RPRD2: variants seen among roughly 807,000 people sequenced by gnomAD.
RPRD2 encodes regulation of nuclear pre-mRNA domain containing 2.
In RPRD2, 12 loss-of-function variants were observed where a neutral mutation model predicts 104.4. The observed-to-expected ratio is 0.11, with a 90% CI of 0.07 to 0.19. The LOEUF is 0.19. RPRD2 is among the 10% of genes least tolerant of loss of function. The pLI is 1.00. For missense variants in RPRD2, 1,543 were observed against 1,790.1 expected, an observed-to-expected ratio of 0.86 and a Z score of 2.49; for synonymous variants, 714 against 684.9, an observed-to-expected ratio of 1.04 and a Z score of -0.66.
At chr1:150,407,597 G>A (rs370747396) in intron 1 of RPRD2, among the ~76,000 whole-genome samples, 14 of 152,168 alleles carry the variant, frequency 9.2e-5, no homozygotes, top group African/African-American at 3.4e-4. Context: ...AGTGGTGGAG[G>A]AGTATGGCAC....
chr1:150,427,333 C>T (rs1387715148), intron 2 of RPRD2, among the ~76,000 whole-genome samples: 2 of 151,918 alleles, frequency 1.3e-5, no homozygotes, highest in Admixed American at 6.6e-5. Context: ...AGTAGCTGAG[C>T]GTGGTAGCGC....
chr1:150,443,771 C>T (rs1411848601), intron 5 of RPRD2, among the ~76,000 whole-genome samples: 2 of 151,616 alleles, frequency 1.3e-5, no homozygotes, highest in African/African-American at 4.8e-5. Flanking sequence ...TTTGGGAGGC[C>T]GAGGTGGGCG....
intron 1 of RPRD2, chr1:150,409,074 T>A (rs1553887193): frequency 6.6e-6 from 1 of 152,204 alleles, no homozygotes; most frequent in Non-Finnish European, 1.5e-5. Flanking sequence ...AAGTTAAAAA[T>A]TATCTAACCC....
At chr1:150,439,558 C>A (rs1666268099) in intron 2 of RPRD2, among the ~76,000 whole-genome samples, 1 of 150,394 alleles carries the variant, frequency 6.6e-6, no homozygotes, top group East Asian at 1.9e-4. Context: ...GAAAAAAATT[C>A]TTTGTGAACA....
At chr1:150,456,647 G>A (rs1480217768) in intron 7 of RPRD2, among the ~76,000 whole-genome samples, 6 of 151,050 alleles carry the variant, frequency 4.0e-5, no homozygotes, top group East Asian at 3.9e-4. Flanking sequence ...AAAAGCAGCC[G>A]AGCACGGTGA....
chr1:150,469,615 T>A (rs1266474658), intron 10 of RPRD2, among the ~76,000 whole-genome samples: 2 of 152,194 alleles, frequency 1.3e-5, no homozygotes, highest in African/African-American at 4.8e-5. Context: ...GGTAAATTTT[T>A]AAAAATATGA....
chr1:150,403,442 G>A (rs914213191), intron 1 of RPRD2, among the ~76,000 whole-genome samples: 11 of 151,978 alleles, frequency 7.2e-5, no homozygotes, highest in Non-Finnish European at 1.5e-4. Flanking sequence ...CCAGCCCCTG[G>A]CAACCACCAT....
At chr1:150,401,923 G>A (rs1437025659) in intron 1 of RPRD2, among the ~76,000 whole-genome samples, 1 of 148,574 alleles carries the variant, frequency 6.7e-6, no homozygotes, top group Non-Finnish European at 1.5e-5. Context: ...GATTACAGGC[G>A]TGAGCCACCG....
intron 1 of RPRD2, among the ~76,000 whole-genome samples, chr1:150,393,107 C>T (rs1231913246): frequency 6.6e-6 from 1 of 151,606 alleles, no homozygotes; most frequent in Non-Finnish European, 1.5e-5. Context: ...AGTTACTAAC[C>T]AAAAACAATA....
Position 150,473,374 on chromosome 1 carries a change from C to T in RPRD2, c.*40C>T. On this transcript the variant is annotated 3_prime_UTR_variant, in exon 11 of 11. Transcript: ENST00000369068. ...AAGGCATTTTGAACAGTCTAGAGAA[C>T]ATTGGAAGTAGGAGTTTGGTTTATT... 5 of 1,501,252 alleles carry T rather than the reference C, an allele frequency of 3.3e-6. No homozygotes were observed. Among genetic ancestry groups the T allele is most frequent in the Non-Finnish European group, 4.5e-6 (5 of 1,122,772 alleles). The allele number at this position is 1,501,252 out of a possible 1,614,324, so 93.0% of individuals were successfully genotyped here. A position where few individuals can be genotyped will look rare whatever the true frequency, so the allele number is the denominator to read the frequency against.
rs1307613049 is a variant in RPRD2, at chr1:150,473,655, C to A, written c.*321C>A. The A allele has an allele frequency of 4.8e-6, 1 of 207,138 alleles. No homozygotes were observed. The highest frequency in any genetic ancestry group is 2.3e-5 in the African/African-American group (1 of 42,778). The allele number at this position is 207,138 out of a possible 1,614,324, so 12.8% of individuals were successfully genotyped here. A position where few individuals can be genotyped will look rare whatever the true frequency, so the allele number is the denominator to read the frequency against. On this transcript the variant is annotated 3_prime_UTR_variant, in exon 11 of 11. Transcript: ENST00000369068. ...GGGGAGGAAAACAATCTTTATTTTA[C>A]CCCATCTATTGAAGAGTATTATTAC... is the stretch of plus-strand genomic sequence containing the variant.
At chr1:150,403,917 AGCCACT>A (rs1663266850) in intron 1 of RPRD2, among the ~76,000 whole-genome samples, 1 of 152,118 alleles carries the variant, frequency 6.6e-6, no homozygotes, top group African/African-American at 2.4e-5. Flanking sequence ...TACAGGCATG[AGCCACT>A]GCTGCACCTG....
Position 150,473,011 on chromosome 1 carries a change from C to T in RPRD2, c.4063C>T (p.Arg1355Trp), listed in dbSNP as rs768029784. ...CAGGGACCACGGGGGCCCCACCCAA[C>T]GGGACCTCAACGGCCCTGGCCTTAG... ...GPRDHGGPTQ[R>W]DLNGPGLSRV... Residue 1355 changes from arginine (R) to tryptophan (W), a missense_variant, in exon 11 of 11, where the codon CGG (arginine) becomes TGG (tryptophan). By Grantham distance (101) the Arg-to-Trp change is moderately radical. Around this residue, in one of 4 missense-constraint regions of RPRD2, gnomAD observed 880 missense variants for 885.6 expected, o/e 0.99. Coordinates refer to ENST00000369068, the MANE Select transcript of RPRD2 (RefSeq NM_015203.5). 16 of 1,613,896 alleles carry T rather than the reference C, an allele frequency of 9.9e-6. No individual in the cohort carries two copies. Among genetic ancestry groups the T allele is most frequent in the South Asian group, 2.2e-5 (2 of 91,094 alleles).
chr1:150,412,167 T>C (rs781993489), intron 1 of RPRD2, among the ~76,000 whole-genome samples: 3 of 152,182 alleles, frequency 2.0e-5, no homozygotes, highest in Non-Finnish European at 4.4e-5. Flanking sequence ...TCCAGTCTTC[T>C]GGATGCTTAT....
chr1:150,369,944 C>G (rs1553878019), intron 1 of RPRD2, among the ~76,000 whole-genome samples: 1 of 151,872 alleles, frequency 6.6e-6, no homozygotes, highest in Non-Finnish European at 1.5e-5. Context: ...CCACGCCCAA[C>G]TAATTTTTGT....
rs1273838971 is a variant in RPRD2, at chr1:150,412,816, C to G, written c.206-4780C>G. Among the ~76,000 whole-genome samples the G allele has an allele frequency of 4.6e-5, 7 of 152,026 alleles. No homozygotes were observed. The East Asian group carries it at 1.3e-3, about 29-fold the overall frequency. ...ATAGAAACGGGGATTGATTTATGTC[C>G]CATTCCTGAATGCATGTAAAATTTA... On this transcript the variant is annotated intron_variant, in intron 1 of 10. Transcript: ENST00000369068.
At chr1:150,441,121 T>A in intron 3 of RPRD2, 98 bp downstream of exon 3, 1 of 600,592 alleles carries the variant, frequency 1.7e-6, no homozygotes, top group African/African-American at 1.9e-5. Flanking sequence ...AGTGAAAAAT[T>A]AAGTTTTGAA....
intron 6 of RPRD2, among the ~76,000 whole-genome samples, chr1:150,445,916 A>T (rs1666733933): frequency 6.6e-6 from 1 of 152,116 alleles, no homozygotes; most frequent in South Asian, 2.1e-4. Context: ...AAAATACAAA[A>T]AATTAGCTGG....
intron 1 of RPRD2, among the ~76,000 whole-genome samples, chr1:150,405,299 C>A (rs1663377988): frequency 2.0e-5 from 3 of 152,014 alleles, no homozygotes. Context: ...ATGGCTCTTT[C>A]AGTGTATATT....
Sources: gnomAD v4.1 joint callset for allele counts (sites outside exome capture counted in the v4.1 genomes callset) on GRCh38, gnomAD v4.1.1 for gene constraint, gnomAD v4.1.1 regional missense constraint, MANE v1.5 for transcripts, NCBI Gene and HGNC (gene_info 2026-07-23, HGNC 2026-07-21) for gene names.